Variants in RNFT2 observed in about 807,000 individuals in gnomAD.
RNFT2 encodes the protein ring finger protein, transmembrane 2, also known as E3 ubiquitin-protein ligase RNFT2.
A neutral mutation model predicts 53.0 loss-of-function variants in RNFT2; 36 were observed. The observed-to-expected ratio is 0.68, with a 90% CI of 0.52 to 0.90. The LOEUF is 0.90. RNFT2 is among the 40% of genes least tolerant of loss of function. The pLI is 0.00. For synonymous variants in RNFT2, 260 were observed against 253.2 expected, an observed-to-expected ratio of 1.03 and a Z score of -0.26; for missense variants, 514 against 585.6, an observed-to-expected ratio of 0.88 and a Z score of 1.26.
intron 7 of RNFT2, among the ~76,000 whole-genome samples, chr12:116,797,922 T>G (rs4767454): frequency 0.93 from 142,303 of 152,236 alleles, 66,586 homozygotes; most frequent in African/African-American, 0.97. Flanking sequence ...ACTCCTGGGT[T>G]TTGCCATGGC....
intron 7 of RNFT2, among the ~76,000 whole-genome samples, chr12:116,798,509 A>G (rs990567294): frequency 6.6e-6 from 1 of 152,228 alleles, no homozygotes; most frequent in South Asian, 2.1e-4. Context: ...CATCTCTCGC[A>G]TTCATTTTCT....
chr12:116,848,066 A>G (rs571629097), intron 10 of RNFT2, among the ~76,000 whole-genome samples: 1 of 151,804 alleles, frequency 6.6e-6, no homozygotes, highest in Non-Finnish European at 1.5e-5. Flanking sequence ...CTCATTGTTC[A>G]GCTCTGATTT....
In RNFT2 at chr12:116,849,692, T is replaced by C. The variant is rs1224230565; in HGVS notation, c.*244T>C. 6.4e-6 allele frequency: 8 copies of C among 1,251,470 alleles called. No homozygotes were observed. The allele number at this position is 1,251,470 out of a possible 1,614,324, so 77.5% of individuals were successfully genotyped here. On this transcript the variant is annotated 3_prime_UTR_variant, in exon 11 of 11. Transcript: ENST00000257575. ...GGACGTCTTCCTAACTCAGACTTGA[T>C]GCCCTTCTAGATGCATCTTCCTTCT...
intron 10 of RNFT2, among the ~76,000 whole-genome samples, chr12:116,844,985 A>G (rs1268900366): frequency 6.6e-6 from 1 of 152,080 alleles, no homozygotes; most frequent in African/African-American, 2.4e-5. Context: ...GCTCACACCT[A>G]TAATCCCAGC....
intron 7 of RNFT2, among the ~76,000 whole-genome samples, chr12:116,798,018 T>A (rs1874587385): frequency 1.3e-5 from 2 of 152,114 alleles, no homozygotes; most frequent in South Asian, 2.1e-4. Flanking sequence ...GCTCTCAACT[T>A]GGCCCCATAT....
At chr12:116,758,195 T>G (rs1228247520) in intron 5 of RNFT2, among the ~76,000 whole-genome samples, 1 of 152,228 alleles carries the variant, frequency 6.6e-6, no homozygotes, top group Non-Finnish European at 1.5e-5. Context: ...TCCACCCCTT[T>G]AAGTTTATGT....
intron 10 of RNFT2, among the ~76,000 whole-genome samples, chr12:116,847,626 C>T (rs1877687958): frequency 6.6e-6 from 1 of 151,640 alleles, no homozygotes; most frequent in Non-Finnish European, 1.5e-5. Flanking sequence ...CTCCAGGGTT[C>T]AAGTGATTCT....
intron 6 of RNFT2, among the ~76,000 whole-genome samples, chr12:116,771,096 GCTCT>G (rs1873154353): frequency 6.6e-6 from 1 of 152,042 alleles, no homozygotes; most frequent in Non-Finnish European, 1.5e-5. Context: ...AAAAATATTT[GCTCT>G]CTGTTTTTAA....
At position 116,836,034 on chromosome 12, in the gene RNFT2, G is replaced by A. The variant is rs368061393; in HGVS notation, c.1098+9G>A. The A allele has an allele frequency of 1.9e-6, 3 of 1,613,836 alleles. No homozygotes were observed. The African/African-American group carries it at 4.0e-5, about 22-fold the overall frequency. On this transcript the variant is annotated intron_variant, in intron 9 of 10. Transcript: ENST00000257575. ...TTCTCTGTACCTCTCAGGTGAGTTG[G>A]CTTCAGGTGGTCCCCACCAGGGTCC...
intron 7 of RNFT2, among the ~76,000 whole-genome samples, chr12:116,813,573 T>C (rs952518639): frequency 1.3e-5 from 2 of 152,208 alleles, no homozygotes; most frequent in East Asian, 1.9e-4. Flanking sequence ...GAATGCATCA[T>C]GTGATGTTGT....
At chr12:116,832,145 A>AT (rs58595545) in intron 7 of RNFT2, among the ~76,000 whole-genome samples, 2,983 of 77,138 alleles carry the variant, frequency 0.039, 51 homozygotes, top group East Asian at 0.088. Flanking sequence ...AAAAAAAAAA[A>AT]AAAATATATA....
intron 7 of RNFT2, among the ~76,000 whole-genome samples, chr12:116,826,252 C>T (rs78443129): frequency 0.021 from 3,126 of 152,162 alleles, 121 homozygotes; most frequent in African/African-American, 0.072. Context: ...CACCCCTCAT[C>T]TTGGCAGTGA....
At position 116,775,468 on chromosome 12, in the gene RNFT2, T is replaced by C. The variant is rs183646327; in HGVS notation, c.729-3727T>C. ...GGAGTCTTAGCCTTGGAGGCGACACTTACCACTGAGCTTGAATCTTCTCAG... is the reference window on the plus strand; with the variant it reads ...GGAGTCTTAGCCTTGGAGGCGACACCTACCACTGAGCTTGAATCTTCTCAG... On this transcript the variant is annotated intron_variant, in intron 6 of 10. Transcript: ENST00000257575. 2.4e-3 allele frequency among the ~76,000 whole-genome samples: 369 copies of C among 152,276 alleles called. 1 individual carries two copies. The highest frequency in any genetic ancestry group is 8.5e-3 in the African/African-American group (352 of 41,550).
intron 7 of RNFT2, among the ~76,000 whole-genome samples, chr12:116,824,326 A>G (rs1201987232): frequency 1.3e-5 from 2 of 152,238 alleles, no homozygotes; most frequent in Non-Finnish European, 2.9e-5. Context: ...TTACTCATTC[A>G]GCAAATATTT....
intron 5 of RNFT2, among the ~76,000 whole-genome samples, chr12:116,762,018 G>A (rs1872708003): frequency 1.4e-5 from 2 of 139,474 alleles, no homozygotes; most frequent in African/African-American, 5.3e-5. Flanking sequence ...AGTGAGCCGA[G>A]ATCACACCAC....
chr12:116,790,398 T>C (rs1874178405), intron 7 of RNFT2, among the ~76,000 whole-genome samples: 1 of 152,184 alleles, frequency 6.6e-6, no homozygotes, highest in Non-Finnish European at 1.5e-5. Context: ...TTAAAGACAT[T>C]GTCTCATTTA....
At chr12:116,784,306 G>A (rs745914213) in intron 7 of RNFT2, among the ~76,000 whole-genome samples, 2 of 152,204 alleles carry the variant, frequency 1.3e-5, no homozygotes, top group Non-Finnish European at 2.9e-5. Flanking sequence ...CGCACGTGTC[G>A]TGTCCTCTTA....
chr12:116,756,875 A>G (rs1025185919), intron 5 of RNFT2, among the ~76,000 whole-genome samples: 2 of 152,060 alleles, frequency 1.3e-5, no homozygotes, highest in Admixed American at 1.3e-4. Context: ...TTCTTTCTCT[A>G]TCTTGTGGAA....
chr12:116,791,372 A>T (rs1874223416), intron 7 of RNFT2, among the ~76,000 whole-genome samples: 1 of 152,214 alleles, frequency 6.6e-6, no homozygotes, highest in Non-Finnish European at 1.5e-5. Flanking sequence ...GTGGAGCATC[A>T]TGATCTTGGC....
Sources: gnomAD v4.1 joint callset for allele counts (sites outside exome capture counted in the v4.1 genomes callset) on GRCh38, gnomAD v4.1.1 for gene constraint, MANE v1.5 for transcripts, NCBI Gene and HGNC (gene_info 2026-07-23, HGNC 2026-07-21) for gene names.